SLC6A9: variants seen among roughly 807,000 people sequenced by gnomAD.
SLC6A9 encodes solute carrier family 6 member 9.
In SLC6A9, 31 loss-of-function variants were observed where a neutral mutation model predicts 70.9. That is an observed-to-expected ratio of 0.44 (90% CI 0.33 to 0.59). SLC6A9 has a LOEUF of 0.59. Ranked by LOEUF, SLC6A9 falls within the 20% of genes least tolerant of loss-of-function variation. The probability of loss-of-function intolerance (pLI) is 0.04; values close to 1 mark genes in which losing one functional copy is unlikely to be tolerated. For missense variants in SLC6A9, 631 were observed against 845.2 expected, an observed-to-expected ratio of 0.75 and a Z score of 3.14; for synonymous variants, 310 against 341.3, an observed-to-expected ratio of 0.91 and a Z score of 1.01.
At chr1:44,011,724 T>C in intron 2 of SLC6A9, 1 of 1,613,696 alleles carries the variant, frequency 6.2e-7, no homozygotes, top group Non-Finnish European at 8.5e-7. Context: ...AAGCGTCACC[T>C]GCAGGGGAGG....
intron 2 of SLC6A9, among the ~76,000 whole-genome samples, chr1:44,014,456 T>TACAC (rs144840170): frequency 1.3e-5 from 2 of 150,154 alleles, no homozygotes; most frequent in Admixed American, 1.3e-4. Flanking sequence ...TATACACCCA[T>TACAC]ACACACACAC....
chr1:44,028,165 AAG>A (rs1224618850), intron 1 of SLC6A9, among the ~76,000 whole-genome samples: 1 of 152,158 alleles, frequency 6.6e-6, no homozygotes, highest in South Asian at 2.1e-4. Context: ...AGAGAAGAGG[AAG>A]AGAGAGTCAA....
rs754560623 is a variant in SLC6A9, at chr1:44,024,325, T to C, written c.-48A>G. ...GGTGACGGGGACCACACTCACAGGCTCTGCTTCCAGCGCCTTTCAGGCCAC... is the reference window on the plus strand; with the variant it reads ...GGTGACGGGGACCACACTCACAGGCCCTGCTTCCAGCGCCTTTCAGGCCAC... On this transcript the variant is annotated 5_prime_UTR_variant, in exon 2 of 14. Coordinates refer to ENST00000372310, the MANE Select transcript of SLC6A9 (RefSeq NM_001024845.3). 1 of 1,609,978 alleles carries C rather than the reference T, an allele frequency of 6.2e-7. No individual in the cohort carries two copies. The highest frequency in any genetic ancestry group is 1.7e-5 in the Admixed American group (1 of 60,032).
chr1:44,011,817 GC>G, intron 2 of SLC6A9: 1 of 1,272,732 alleles, frequency 7.9e-7, no homozygotes, highest in Non-Finnish European at 1.1e-6. Flanking sequence ...GGTGGCCTGG[GC>G]CCCACTGAGG....
At chr1:44,029,217 C>A (rs79411192) in intron 1 of SLC6A9, among the ~76,000 whole-genome samples, 2,723 of 152,344 alleles carry the variant, frequency 0.018, 92 homozygotes, top group African/African-American at 0.063. Context: ...CCATCTTGGC[C>A]AAGCCCTGGA....
chr1:44,016,999 C>A (rs1484297980), intron 2 of SLC6A9: 2 of 1,545,332 alleles, frequency 1.3e-6, no homozygotes, highest in Non-Finnish European at 1.7e-6. Flanking sequence ...AGCCTCTCAG[C>A]CTGCCTGGCA....
At chr1:44,017,406 CACAG>C in intron 2 of SLC6A9, 1 of 1,010,376 alleles carries the variant, frequency 9.9e-7, no homozygotes, top group Non-Finnish European at 1.3e-6. Context: ...CACACACACA[CACAG>C]ACTGGGGCAG....
At position 44,008,620 on chromosome 1, in the gene SLC6A9, A is replaced by T; in HGVS notation, c.323T>A (p.Val108Glu). The change falls in exon 5 of 14, where the codon GTG (valine) becomes GAG (glutamate). Residue 108 changes from valine (V) to glutamate (E), a missense_variant. By Grantham distance (121) the Val-to-Glu change is moderately radical. Coordinates refer to ENST00000372310, the MANE Select transcript of SLC6A9 (RefSeq NM_001024845.3). ...GGACACCACCATCATACCATAGCCC[A>T]CTCCTGCAGGAGGGGAGGGGTGGGG... The part of the protein sequence containing the change: ...VWRISPMFKG[V>E]GYGMMVVSTY... 6.2e-7 allele frequency: 1 copy of T among 1,609,066 alleles called. No homozygotes were observed. Among genetic ancestry groups the T allele is most frequent in the Non-Finnish European group, 8.5e-7 (1 of 1,177,698 alleles).
chr1:44,009,339 C>T (rs184326238), intron 4 of SLC6A9, among the ~76,000 whole-genome samples: 110 of 152,116 alleles, frequency 7.2e-4, no homozygotes, highest in African/African-American at 2.4e-3. Context: ...CCCGCCTCAG[C>T]CCCCAGAGTA....
intron 1 of SLC6A9, among the ~76,000 whole-genome samples, chr1:44,025,672 T>A (rs972481313): frequency 6.6e-6 from 1 of 151,676 alleles, no homozygotes; most frequent in Non-Finnish European, 1.5e-5. Context: ...TGGTGGCAGG[T>A]GCCTGTAATC....
At chr1:44,004,694 A>G (rs2086249541) in intron 5 of SLC6A9, among the ~76,000 whole-genome samples, 1 of 152,210 alleles carries the variant, frequency 6.6e-6, no homozygotes, top group African/African-American at 2.4e-5. Flanking sequence ...TTAGGGACTG[A>G]AGAGTTTAAA....
intron 1 of SLC6A9, among the ~76,000 whole-genome samples, chr1:44,025,765 AC>A (rs1254228699): frequency 6.6e-6 from 1 of 151,222 alleles, no homozygotes; most frequent in Non-Finnish European, 1.5e-5. Flanking sequence ...GCGCGACTGC[AC>A]TCTAGCTTGG....
At chr1:44,022,718 C>CTTT (rs777966364) in intron 2 of SLC6A9, among the ~76,000 whole-genome samples, 2,630 of 59,596 alleles carry the variant, frequency 0.044, 102 homozygotes, top group African/African-American at 0.18. Context: ...TTCTTTCTTT[C>CTTT]TTTCTTTTTT....
chr1:44,010,489 CTCTCCT>C, intron 3 of SLC6A9: 2 of 302,204 alleles, frequency 6.6e-6, no homozygotes, highest in Non-Finnish European at 1.3e-5. Context: ...CTTTTCTCAC[CTCTCCT>C]CACCTCAAAG....
rs202227083 is a variant in SLC6A9, at chr1:44,002,434, T to C, written c.859-18A>G. 394 of 1,613,388 alleles carry C rather than the reference T, an allele frequency of 2.4e-4. 2 individuals carry two copies. Among genetic ancestry groups the C allele is most frequent in the African/African-American group, 8.5e-4 (64 of 75,024 alleles). ...CCCCACACCTGCAGGGAAGGACCGG[T>C]GGGTGAGGAGCTGTGGGCAGAGGCA... On this transcript the variant is annotated intron_variant, in intron 7 of 13. Coordinates refer to ENST00000372310, the MANE Select transcript of SLC6A9 (RefSeq NM_001024845.3). This position sits in a 1 kb window ranked among gnomAD's most constrained non-coding sequence, Gnocchi z 5.5.
At chr1:44,015,801 G>A (rs978831649) in intron 2 of SLC6A9, 1 of 956,584 alleles carries the variant, frequency 1.0e-6, no homozygotes, top group Non-Finnish European at 1.2e-6. Context: ...TCTGATCTCT[G>A]GCCTCAGTTA....
chr1:44,024,796 T>G (rs2086951709), intron 1 of SLC6A9, among the ~76,000 whole-genome samples: 1 of 152,168 alleles, frequency 6.6e-6, no homozygotes, highest in Non-Finnish European at 1.5e-5. Context: ...GCACTCAGTG[T>G]GGGCTCCAGG....
Position 44,002,259 on chromosome 1 carries a change from A to G in SLC6A9, c.962+54T>C, listed in dbSNP as rs2086139361. ...CCATGGCTGCACTGGAGCTGAGATC[A>G]GGCTGCAGAGAGTGCAGGAAGGGGG... On this transcript the variant is annotated intron_variant, in intron 8 of 13. Transcript: ENST00000372310. The surrounding 1 kb of genome is among the most constrained non-coding windows in gnomAD (Gnocchi z 5.5). 7.8e-7 allele frequency: 1 copy of G among 1,283,236 alleles called. No homozygotes were observed. Among genetic ancestry groups the G allele is most frequent in the Non-Finnish European group, 1.1e-6 (1 of 878,774 alleles). The allele number at this position is 1,283,236 out of a possible 1,614,324, so 79.5% of individuals were successfully genotyped here.
At chr1:44,010,163 C>T in intron 3 of SLC6A9, 67 bp from the exon 4 acceptor site, 6 of 1,566,980 alleles carry the variant, frequency 3.8e-6, no homozygotes, top group Non-Finnish European at 5.2e-6. Context: ...GCTTCCTGCT[C>T]AGAACTCAAC....
Sources: allele counts gnomAD v4.1 joint callset (sites outside exome capture counted in the v4.1 genomes callset), GRCh38; gene constraint gnomAD v4.1.1; non-coding constraint Gnocchi (gnomAD v3.1); transcripts MANE v1.5; gene names NCBI Gene and HGNC (gene_info 2026-07-23, HGNC 2026-07-21).